The following EPHB4 variants were observed in gnomAD, a reference collection of about 807,000 sequenced individuals.
EPHB4 encodes the protein EPH receptor B4.
In EPHB4, 50 loss-of-function variants were observed where a neutral mutation model predicts 110.6. The ratio of observed to expected loss-of-function variants is 0.45; its 90% CI spans 0.36 to 0.57. The LOEUF is 0.57. EPHB4 is among the 20% of genes least tolerant of loss of function. The pLI is 0.00. For missense variants in EPHB4, 1,128 were observed against 1,382.1 expected (o/e 0.82, Z 2.91); for synonymous variants, 592 against 578.4 (o/e 1.02, Z -0.34).
At chr7:100,805,113 G>A in intron 16 of EPHB4, 53 bp downstream of exon 16, 1 of 1,578,322 alleles carries the variant, frequency 6.3e-7, no homozygotes, top group Non-Finnish European at 8.6e-7. Context: ...CCGTGGGCCT[G>A]ACTCCAGCTG....
At chr7:100,813,583 TG>T (rs1449692952) in intron 10 of EPHB4, 68 bp downstream of exon 10, 12 of 1,569,414 alleles carry the variant, frequency 7.6e-6, no homozygotes, top group African/African-American at 1.4e-5. Context: ...CCCAAAGTGC[TG>T]GGATTATAGA....
chr7:100,819,199 G>A (rs1190851980), intron 6 of EPHB4, among the ~76,000 whole-genome samples: 1 of 152,030 alleles, frequency 6.6e-6, no homozygotes, highest in Non-Finnish European at 1.5e-5. Context: ...TGCAGCCTCC[G>A]ACTCCTGGGC....
intron 8 of EPHB4, among the ~76,000 whole-genome samples, chr7:100,815,499 G>A (rs1470995511): frequency 3.3e-5 from 5 of 152,176 alleles, no homozygotes; most frequent in Non-Finnish European, 5.9e-5. Context: ...AGATCTGGGT[G>A]GGGGGTGATG....
chr7:100,806,724 T>C (rs1405241035), intron 13 of EPHB4, among the ~76,000 whole-genome samples, 155 bp from the exon 14 acceptor site: 1 of 151,758 alleles, frequency 6.6e-6, no homozygotes, highest in African/African-American at 2.4e-5. Flanking sequence ...CAGGTTGGAG[T>C]GCAGTGGTGC....
chr7:100,814,418 C>T (rs1813018828), intron 8 of EPHB4, among the ~76,000 whole-genome samples: 1 of 152,182 alleles, frequency 6.6e-6, no homozygotes, highest in South Asian at 2.1e-4. Flanking sequence ...GCTGGGATTA[C>T]AGGTGTGTAC....
intron 16 of EPHB4, 72 bp from the exon 17 acceptor site, chr7:100,803,662 A>T: frequency 1.3e-6 from 2 of 1,504,426 alleles, no homozygotes; most frequent in Non-Finnish European, 1.8e-6. Context: ...GGCTCCTGAG[A>T]CGGTCCTAGC....
intron 2 of EPHB4, 93 bp from the exon 3 acceptor site, chr7:100,824,024 AG>A: frequency 6.6e-7 from 1 of 1,511,916 alleles, no homozygotes; most frequent in South Asian, 1.3e-5. Flanking sequence ...GGACTGAGAA[AG>A]GGGGGCTGCT....
intron 13 of EPHB4, among the ~76,000 whole-genome samples, chr7:100,807,032 A>T (rs570344767): frequency 6.6e-6 from 1 of 152,098 alleles, no homozygotes; most frequent in East Asian, 1.9e-4. Context: ...GCACATTCAT[A>T]GCTCACTGCA....
At chr7:100,812,700 G>GT (rs778842727) in intron 12 of EPHB4, 47 bp downstream of exon 12, 1 of 1,584,336 alleles carries the variant, frequency 6.3e-7, no homozygotes, top group Non-Finnish European at 8.6e-7. Flanking sequence ...GCCTCTGGGT[G>GT]TAAGTGGGAA....
chr7:100,826,847 G>C (rs76541265), intron 1 of EPHB4, 132 bp downstream of exon 1: 4 of 765,550 alleles, frequency 5.2e-6, no homozygotes, highest in South Asian at 3.4e-5. Context: ...CAGCACTATC[G>C]GTCCGAAGTG....
Position 100,819,758 on chromosome 7 carries a change from G to T in EPHB4, c.1096C>A (p.Pro366Thr), listed in dbSNP as rs369954495. ...TYALRCRECR[P>T]GGSCAPCGGD... ...CCGCAGGGCGCACAGGAGCCTCCGG[G>T]TCGGCACTCCCGGCAGCGGAGGGCG... The change falls in exon 6 of 17, where the codon CCC (proline) becomes ACC (threonine). Residue 366 changes from proline to threonine, a missense_variant. This residue lies in a region of EPHB4 where 728 missense variants were observed against 828.6 expected (regional missense o/e 0.88). Transcript: ENST00000358173. 5.0e-6 allele frequency: 8 copies of T among 1,603,876 alleles called. No individual in the cohort carries two copies. In the East Asian group the frequency reaches 1.8e-4, roughly 36 times the overall value.
rs770750251 is a variant in EPHB4 at position 100,818,508 on chromosome 7, G to A, written c.1422+12C>T. 4.3e-6 allele frequency: 7 copies of A among 1,613,422 alleles called. No homozygotes were observed. The East Asian group carries it at 1.3e-4, about 31-fold the overall frequency. The stretch of plus-strand genomic sequence containing the variant: ...ATTGCCCACCCACCCCAGGGCTGGG[G>A]GATGGCCTTACCTTCTCATGGTATT... On this transcript the variant is annotated intron_variant, in intron 7 of 16. Coordinates refer to ENST00000358173, the MANE Select transcript of EPHB4 (RefSeq NM_004444.5).
intron 1 of EPHB4, among the ~76,000 whole-genome samples, chr7:100,825,852 G>C (rs555559942): frequency 6.6e-6 from 1 of 152,210 alleles, no homozygotes; most frequent in Admixed American, 6.5e-5. Context: ...CCTCGTCCTC[G>C]TGGTTTTTCC....
intron 12 of EPHB4, among the ~76,000 whole-genome samples, chr7:100,812,064 G>GGGGAGGCTAAGGCA (rs1253654399): frequency 6.6e-6 from 1 of 151,920 alleles, no homozygotes; most frequent in Non-Finnish European, 1.5e-5. Context: ...CCCAGCTACT[G>GGGGAGGCTAAGGCA]GGGAGGCTAA....
At chr7:100,814,802 G>A (rs1562970030) in intron 8 of EPHB4, among the ~76,000 whole-genome samples, 2 of 150,754 alleles carry the variant, frequency 1.3e-5, no homozygotes, top group Non-Finnish European at 3.0e-5. Flanking sequence ...ATTGTGTGAG[G>A]CCAGGTGTTC....
rs1476226974 is a variant in EPHB4, at chr7:100,822,703, C to T, written c.412-36G>A. On this transcript the variant is annotated intron_variant, in intron 3 of 16. Coordinates refer to ENST00000358173, the MANE Select transcript of EPHB4 (RefSeq NM_004444.5). This position sits in a 1 kb window ranked among gnomAD's most constrained non-coding sequence, Gnocchi z 4.7. ...GGGGGAGGCACACCGCTGCTGTCCC[C>T]ACTCCCTGAGGACCCAGCGGACTGT... The T allele has an allele frequency of 1.2e-5, 18 of 1,499,292 alleles. No homozygotes were observed. Among genetic ancestry groups the T allele is most frequent in the Non-Finnish European group, 1.6e-5 (18 of 1,120,474 alleles). The allele number at this position is 1,499,292 out of a possible 1,614,324, so 92.9% of individuals were successfully genotyped here.
intron 12 of EPHB4, among the ~76,000 whole-genome samples, chr7:100,810,288 T>C (rs1812899550): frequency 6.6e-6 from 1 of 152,016 alleles, no homozygotes; most frequent in Admixed American, 6.6e-5. Context: ...CCACATCAGA[T>C]AGAGCTTCTC....
At chr7:100,805,386 C>T in intron 15 of EPHB4, 65 bp from the exon 16 acceptor site, 1 of 1,605,066 alleles carries the variant, frequency 6.2e-7, no homozygotes, top group Non-Finnish European at 8.5e-7. Context: ...GAGGTGGAAC[C>T]CAGCCTTGCA....
In EPHB4 at chr7:100,813,972, G is replaced by A. The variant is rs1413390334; in HGVS notation, c.1638C>T (p.Val546=). 1.2e-5 allele frequency: 20 copies of A among 1,613,984 alleles called. No individual in the cohort carries two copies. Among genetic ancestry groups the A allele is most frequent in the South Asian group, 6.6e-5 (6 of 91,068 alleles). ...CCACCAGGACCAGGACCACACCCAC[G>A]ACTGCCGTGCCCGCAATCAGGGCCA... ...EQLALIAGTA[V]VGVVLVLVVI... The change falls in exon 9 of 17, where the codon GTC becomes GTT. Residue 546 remains valine (V), a synonymous_variant. Transcript: ENST00000358173.
Sources: allele counts gnomAD v4.1 joint callset (sites outside exome capture counted in the v4.1 genomes callset), GRCh38; gene constraint gnomAD v4.1.1; regional missense constraint gnomAD v4.1.1; non-coding constraint Gnocchi (gnomAD v3.1); transcripts MANE v1.5; gene names NCBI Gene and HGNC (gene_info 2026-07-23, HGNC 2026-07-21).